COL24A1: variants seen among roughly 807,000 people sequenced by gnomAD.
COL24A1 encodes the protein collagen type XXIV alpha 1 chain, also known as collagen alpha-1(XXIV) chain.
Under a neutral mutation model 253.9 loss-of-function variants are expected in COL24A1, and 224 were observed. The observed-to-expected ratio is 0.88, with a 90% confidence interval of 0.79 to 0.99. COL24A1 has a LOEUF of 0.99. Ranked by LOEUF, COL24A1 falls within the 50% of genes least tolerant of loss-of-function variation. The probability of loss-of-function intolerance (pLI) is 0.00; values close to 1 mark genes in which losing one functional copy is unlikely to be tolerated. For synonymous variants in COL24A1, 685 were observed against 673.7 expected (o/e 1.02, Z -0.26); for missense variants, 2,131 against 2,068.5 (o/e 1.03, Z -0.59).
chr1:85,767,060 C>T lies in COL24A1; in HGVS notation c.4375-5494G>A, dbSNP rs181271227. 6.1e-4 allele frequency among the ~76,000 whole-genome samples: 92 copies of T among 151,738 alleles called. 2 individuals carry two copies. The East Asian group carries it at 0.015, about 25-fold the overall frequency. On this transcript the variant is annotated intron_variant, in intron 53 of 59. Coordinates refer to ENST00000370571, the MANE Select transcript of COL24A1 (RefSeq NM_152890.7). The stretch of plus-strand genomic sequence containing the variant: ...TGGAGCTTGCAGTGAGCCAAGACTG[C>T]GCCACTGCACTCCAGCCTGGGTGAC...
At chr1:86,104,178 C>T (rs182015220) in intron 5 of COL24A1, among the ~76,000 whole-genome samples, 1 of 152,196 alleles carries the variant, frequency 6.6e-6, no homozygotes, top group East Asian at 1.9e-4. Flanking sequence ...TGTTTTAACA[C>T]ATGTGATTGT....
intron 43 of COL24A1, among the ~76,000 whole-genome samples, chr1:85,833,787 TA>T (rs1207114701): frequency 1.3e-5 from 2 of 151,876 alleles, no homozygotes; most frequent in Admixed American, 6.6e-5. Flanking sequence ...TATGCAGCCA[TA>T]AAAAAGGATG....
chr1:86,063,734 G>A lies in COL24A1; in HGVS notation c.1733C>T (p.Pro578Leu). 1 of 1,554,606 alleles carries A rather than the reference G, an allele frequency of 6.4e-7. No homozygotes were observed. Among genetic ancestry groups the A allele is most frequent in the Middle Eastern group, 1.7e-4 (1 of 5,852 alleles). The part of the protein sequence containing the change: ...DKGLKGHPGL[P>L]GLPGEQGIPG... ...ACCTACTTGTTCACCTGGAAGTCCT[G>A]GGAGTCCAGGATGTCCTTTGAGACC... The change falls in exon 8 of 60, where the codon CCA becomes CTA. Residue 578 changes from proline to leucine, a missense_variant. Physicochemically the swap from Pro to Leu is moderately conservative, Grantham distance 98. Coordinates refer to ENST00000370571, the MANE Select transcript of COL24A1 (RefSeq NM_152890.7).
At chr1:86,028,749 T>C (rs1424187027) in intron 14 of COL24A1, among the ~76,000 whole-genome samples, 1 of 152,220 alleles carries the variant, frequency 6.6e-6, no homozygotes, top group Non-Finnish European at 1.5e-5. Flanking sequence ...ATACAGAAGA[T>C]CCACTTATTT....
intron 18 of COL24A1, among the ~76,000 whole-genome samples, chr1:86,019,959 A>C (rs1195458202): frequency 6.6e-6 from 1 of 152,136 alleles, no homozygotes; most frequent in Non-Finnish European, 1.5e-5. Context: ...CACTAGGAGG[A>C]ATATTAGTAA....
chr1:85,860,541 A>G (rs1016282837), intron 37 of COL24A1, among the ~76,000 whole-genome samples: 4 of 152,218 alleles, frequency 2.6e-5, no homozygotes, highest in African/African-American at 9.6e-5. Context: ...GGAGATTGAG[A>G]TCAACCTGGC....
At chr1:86,117,603 C>A (rs1377797928) in intron 3 of COL24A1, among the ~76,000 whole-genome samples, 1 of 152,088 alleles carries the variant, frequency 6.6e-6, no homozygotes. Context: ...TTGATAAGCA[C>A]TAAATTAAAA....
At chr1:86,128,853 A>G (rs1348536404) in intron 2 of COL24A1, among the ~76,000 whole-genome samples, 1 of 151,916 alleles carries the variant, frequency 6.6e-6, no homozygotes, top group African/African-American at 2.4e-5. Flanking sequence ...TTCTTTTGGT[A>G]TCTCACTGGA....
At chr1:86,100,269 C>G (rs1450726234) in intron 5 of COL24A1, among the ~76,000 whole-genome samples, 1 of 152,078 alleles carries the variant, frequency 6.6e-6, no homozygotes, top group South Asian at 2.1e-4. Context: ...ATGTTTTCAT[C>G]AGGAATGCCA....
At chr1:85,887,314 G>A (rs1203394958) in intron 32 of COL24A1, among the ~76,000 whole-genome samples, 1 of 151,996 alleles carries the variant, frequency 6.6e-6, no homozygotes, top group Non-Finnish European at 1.5e-5. Context: ...AGAGAGAATG[G>A]ACAAATATCA....
At chr1:85,736,645 G>A (rs1664091140) in intron 58 of COL24A1, 2 of 361,544 alleles carry the variant, frequency 5.5e-6, no homozygotes, top group Admixed American at 3.5e-5. Flanking sequence ...AGCAGCTAAA[G>A]AGATTGAATT....
intron 24 of COL24A1, among the ~76,000 whole-genome samples, chr1:85,939,850 G>C (rs1688577074): frequency 6.6e-6 from 1 of 151,978 alleles, no homozygotes; most frequent in Non-Finnish European, 1.5e-5. Context: ...AGATTATACT[G>C]AATCATATCT....
chr1:86,035,565 G>A (rs1559078075), intron 12 of COL24A1, among the ~76,000 whole-genome samples: 1 of 152,112 alleles, frequency 6.6e-6, no homozygotes, highest in Admixed American at 6.6e-5. Flanking sequence ...CCTACGGCTG[G>A]TGATGTGGGG....
chr1:85,885,346 A>G (rs1379728245), intron 32 of COL24A1, among the ~76,000 whole-genome samples: 2 of 149,790 alleles, frequency 1.3e-5, no homozygotes, highest in Non-Finnish European at 3.0e-5. Flanking sequence ...GATTACAGGC[A>G]CCCACCACCA....
intron 47 of COL24A1, among the ~76,000 whole-genome samples, chr1:85,792,408 C>T (rs1030427672): frequency 6.6e-6 from 1 of 150,634 alleles, no homozygotes; most frequent in African/African-American, 2.4e-5. Flanking sequence ...AAGATGAGAC[C>T]AGGTGTGGTG....
chr1:85,985,955 C>G (rs1355741903), intron 20 of COL24A1, among the ~76,000 whole-genome samples: 2 of 151,720 alleles, frequency 1.3e-5, no homozygotes, highest in East Asian at 3.9e-4. Flanking sequence ...TAAATATTTT[C>G]CAAATATTGC....
chr1:85,744,934 G>T, intron 56 of COL24A1, 100 bp from the exon 57 acceptor site: 3 of 855,320 alleles, frequency 3.5e-6, no homozygotes, highest in Non-Finnish European at 3.7e-6. Context: ...GTAGTAAGTT[G>T]TGAGTAGAAT....
intron 47 of COL24A1, among the ~76,000 whole-genome samples, chr1:85,813,433 AAAG>A (rs200719712): frequency 0.02 from 2,948 of 150,668 alleles, 94 homozygotes; most frequent in African/African-American, 0.07. Flanking sequence ...GAAAAAAAAA[AAAG>A]AAGCCAAAGC....
intron 47 of COL24A1, among the ~76,000 whole-genome samples, chr1:85,797,604 T>TGATTG (rs1446202951): frequency 6.6e-6 from 1 of 152,194 alleles, no homozygotes. Flanking sequence ...GTTTGAATTC[T>TGATTG]GATTGGATTA....
Sources: allele counts gnomAD v4.1 joint callset (sites outside exome capture counted in the v4.1 genomes callset), GRCh38; gene constraint gnomAD v4.1.1; transcripts MANE v1.5; gene names NCBI Gene and HGNC (gene_info 2026-07-23, HGNC 2026-07-21).